Variants in WDR49 observed in about 807,000 individuals in gnomAD.
WDR49 encodes the protein WD repeat domain 49.
WDR49 carries 107 observed loss-of-function variants against 119.5 expected under a neutral mutation model. The observed-to-expected ratio is 0.90, with a 90% CI of 0.77 to 1.05. WDR49 has a LOEUF of 1.05. Ranked by LOEUF, WDR49 falls within the 50% of genes least tolerant of loss-of-function variation. The pLI, the probability that WDR49 is intolerant of heterozygous loss-of-function variation, is 0.00. For missense variants in WDR49, 1,240 were observed against 1,220.5 expected, an observed-to-expected ratio of 1.02 and a Z score of -0.24; for synonymous variants, 425 against 418.8, an observed-to-expected ratio of 1.01 and a Z score of -0.18.
At chr3:167,501,791 A>G (rs1751580665) in intron 17 of WDR49, among the ~76,000 whole-genome samples, 1 of 152,168 alleles carries the variant, frequency 6.6e-6, no homozygotes, top group Non-Finnish European at 1.5e-5. Context: ...CAACTAGACT[A>G]ATGCATTGTT....
At chr3:167,579,340 T>C (rs1042709018) in intron 7 of WDR49, among the ~76,000 whole-genome samples, 3 of 152,164 alleles carry the variant, frequency 2.0e-5, no homozygotes, top group African/African-American at 4.8e-5. Flanking sequence ...TGCCCAAGAA[T>C]ACAACACTCC....
intron 6 of WDR49, among the ~76,000 whole-genome samples, chr3:167,603,064 T>G (rs987058642): frequency 6.6e-6 from 1 of 152,150 alleles, no homozygotes; most frequent in Admixed American, 6.6e-5. Flanking sequence ...AATGCACGAC[T>G]GTATGTGCAA....
At chr3:167,539,251 A>C (rs749744544) in intron 10 of WDR49, among the ~76,000 whole-genome samples, 35 of 152,296 alleles carry the variant, frequency 2.3e-4, no homozygotes, top group Non-Finnish European at 3.1e-4. Context: ...AGCTGTTTTG[A>C]ATTGTTAGGA....
At chr3:167,565,293 G>C (rs1253568336) in intron 8 of WDR49, among the ~76,000 whole-genome samples, 6 of 151,320 alleles carry the variant, frequency 4.0e-5, no homozygotes, top group Non-Finnish European at 1.5e-5. Flanking sequence ...CTAGACACTG[G>C]TGATCCAGCA....
intron 5 of WDR49, among the ~76,000 whole-genome samples, chr3:167,615,710 T>C (rs572005889): frequency 7.2e-4 from 110 of 152,320 alleles, no homozygotes; most frequent in African/African-American, 2.6e-3. Context: ...ATTAATGTAA[T>C]GCTTTCGCAG....
In WDR49 at chr3:167,536,928, T is replaced by C; in HGVS notation, c.1896A>G (p.Ile632Met). Residue 632 changes from isoleucine (I) to methionine (M), a missense_variant, in exon 11 of 19, where the codon ATA becomes ATG. Transcript: ENST00000682715. ...CACACAAGATGTCATCATGGTGCTG[T>C]ATACCTCCTTTCCATTCTTCAGGCT... ...FIQPEEWKGGIQHHDDILCAA... is the reference protein window; with the variant it reads ...FIQPEEWKGGMQHHDDILCAA... The C allele has an allele frequency of 6.3e-7, 1 of 1,588,506 alleles. No individual in the cohort carries two copies. The highest frequency in any genetic ancestry group is 8.6e-7 in the Non-Finnish European group (1 of 1,168,036).
At chr3:167,570,187 T>A (rs1177951114) in intron 8 of WDR49, among the ~76,000 whole-genome samples, 1 of 151,542 alleles carries the variant, frequency 6.6e-6, no homozygotes, top group Non-Finnish European at 1.5e-5. Flanking sequence ...AAGGAGAAAA[T>A]TTTCATTGTG....
In WDR49 at chr3:167,522,009, G is replaced by GATAGATAGATAGATAT. The variant is rs1553862482; in HGVS notation, c.2774+305_2774+306insATATCTATCTATCTAT. Among the ~76,000 whole-genome samples, 417 of 144,164 alleles carry GATAGATAGATAGATAT rather than the reference G, an allele frequency of 2.9e-3. 10 individuals carry two copies. Among genetic ancestry groups the GATAGATAGATAGATAT allele is most frequent in the Admixed American group, 6.8e-3 (97 of 14,258 alleles). 94.6% of individuals were successfully genotyped at this position (144,164 alleles called of 152,430 possible). Reference sequence around the variant, plus strand: ...AGATAGATAGATAGATAGATAGATAGATAGATAGATTGTTTTTGAAGAAAG... The same window carrying GATAGATAGATAGATAT: ...AGATAGATAGATAGATAGATAGATAGATAGATAGATAGATATATAGATAGATTGTTTTTGAAGAAAG... On this transcript the variant is annotated intron_variant, in intron 16 of 18. Transcript: ENST00000682715.
At chr3:167,560,879 A>G (rs933784121) in intron 8 of WDR49, among the ~76,000 whole-genome samples, 2 of 152,172 alleles carry the variant, frequency 1.3e-5, no homozygotes, top group African/African-American at 4.8e-5. Context: ...AAAGGATTAT[A>G]CACAGCAGTT....
At chr3:167,513,207 G>C (rs572237024) in intron 16 of WDR49, among the ~76,000 whole-genome samples, 156 of 152,202 alleles carry the variant, frequency 1.0e-3, no homozygotes, top group African/African-American at 3.5e-3. Flanking sequence ...CAGAGAGAAA[G>C]GCCAAGTCAA....
intron 18 of WDR49, among the ~76,000 whole-genome samples, chr3:167,489,025 C>T (rs566367722): frequency 6.6e-6 from 1 of 152,198 alleles, no homozygotes; most frequent in South Asian, 2.1e-4. Flanking sequence ...TTCCTAATGT[C>T]ACCTTATTAT....
chr3:167,640,839 G>A (rs1441417111), intron 2 of WDR49, among the ~76,000 whole-genome samples: 1 of 151,798 alleles, frequency 6.6e-6, no homozygotes, highest in Non-Finnish European at 1.5e-5. Context: ...AGATGGCAGA[G>A]GGTTGCATGG....
chr3:167,479,742 C>T (rs1002930754), intron 18 of WDR49, among the ~76,000 whole-genome samples: 2 of 152,002 alleles, frequency 1.3e-5, no homozygotes, highest in African/African-American at 4.8e-5. Flanking sequence ...GCAATGCAAA[C>T]TGTGTATAAA....
chr3:167,641,737 G>A lies in WDR49; in HGVS notation c.165+11524C>T, dbSNP rs190947776. ...ATATTTTCAGAATTAAACACTGGGGGAAAACACAGCCTACAGGTCCAAGAA... is the reference window on the plus strand; with the variant it reads ...ATATTTTCAGAATTAAACACTGGGGAAAAACACAGCCTACAGGTCCAAGAA... On this transcript the variant is annotated intron_variant, in intron 2 of 18. Coordinates refer to ENST00000682715, the MANE Select transcript of WDR49 (RefSeq NM_001366157.1). Among the ~76,000 whole-genome samples, 1,416 of 151,714 alleles carry A rather than the reference G, an allele frequency of 9.3e-3. 18 individuals carry two copies. The highest frequency in any genetic ancestry group is 0.032 in the African/African-American group (1,330 of 41,418).
chr3:167,595,126 A>G (rs1041844592), intron 7 of WDR49, among the ~76,000 whole-genome samples: 10 of 152,038 alleles, frequency 6.6e-5, no homozygotes, highest in Admixed American at 4.6e-4. Flanking sequence ...CAATTGCTTC[A>G]AAGAGAATAA....
At chr3:167,563,485 A>G (rs185174161) in intron 8 of WDR49, among the ~76,000 whole-genome samples, 44 of 152,294 alleles carry the variant, frequency 2.9e-4, no homozygotes, top group African/African-American at 9.6e-4. Context: ...TAAAATCATG[A>G]AAGTGTAATT....
chr3:167,570,180 G>A (rs1160126966), intron 8 of WDR49, among the ~76,000 whole-genome samples: 2 of 151,944 alleles, frequency 1.3e-5, no homozygotes, highest in Non-Finnish European at 2.9e-5. Flanking sequence ...GGCAGGAAAG[G>A]AGAAAATTTT....
At chr3:167,529,323 G>A in intron 13 of WDR49, 84 bp from the exon 14 acceptor site, 1 of 1,311,770 alleles carries the variant, frequency 7.6e-7, no homozygotes, top group Non-Finnish European at 1.0e-6. Flanking sequence ...CCTGTGGAAA[G>A]CATGTGATGT....
At chr3:167,657,343 A>G (rs1297511480), upstream of WDR49, among the ~76,000 whole-genome samples, 2 of 151,886 alleles carry the variant, frequency 1.3e-5, no homozygotes, top group Non-Finnish European at 2.9e-5. Context: ...AAATGGTCCA[A>G]AAAAGCTTCC....
Sources: gnomAD v4.1 joint callset for allele counts (sites outside exome capture counted in the v4.1 genomes callset) on GRCh38, gnomAD v4.1.1 for gene constraint, MANE v1.5 for transcripts, NCBI Gene and HGNC (gene_info 2026-07-23, HGNC 2026-07-21) for gene names.